Variants in DLGAP2 observed in about 807,000 individuals in gnomAD.
DLGAP2 encodes the protein disks large-associated protein 2.
In DLGAP2, 26 loss-of-function variants were observed where a neutral mutation model predicts 100.3. The ratio of observed to expected loss-of-function variants is 0.26; its 90% CI spans 0.19 to 0.36. The LOEUF is 0.36. Among genes scored for constraint, DLGAP2 ranks in the 10% least tolerant of loss-of-function variants. The pLI is 1.00. For synonymous variants in DLGAP2, 886 were observed against 630.1 expected (o/e 1.41, Z -6.08); for missense variants, 1,858 against 1,453.2 (o/e 1.28, Z -4.53).
intron 2 of DLGAP2, among the ~76,000 whole-genome samples, chr8:1,241,457 C>G (rs373196328): frequency 3.3e-5 from 5 of 152,192 alleles, no homozygotes; most frequent in African/African-American, 1.2e-4. Context: ...CACACCCTGA[C>G]GCGTTATTTA....
chr8:1,095,807 TAAAGC>T (rs902906806), intron 2 of DLGAP2, among the ~76,000 whole-genome samples: 46 of 152,312 alleles, frequency 3.0e-4, no homozygotes, highest in African/African-American at 1.1e-3. Context: ...AAATAGGTAA[TAAAGC>T]AATTGCATGC....
intron 3 of DLGAP2, among the ~76,000 whole-genome samples, chr8:1,419,596 C>T (rs1797035580): frequency 1.3e-5 from 2 of 152,078 alleles, no homozygotes; most frequent in South Asian, 2.1e-4. Flanking sequence ...GGTGTATGAA[C>T]ACATGCTCCA....
intron 1 of DLGAP2, among the ~76,000 whole-genome samples, chr8:877,840 G>T (rs1438894596): frequency 6.6e-6 from 1 of 152,188 alleles, no homozygotes; most frequent in East Asian, 1.9e-4. Context: ...GAATGCTAGC[G>T]ATGGCCCATA....
At chr8:1,601,488 C>A (rs544500844) in intron 6 of DLGAP2, among the ~76,000 whole-genome samples, 1 of 152,308 alleles carries the variant, frequency 6.6e-6, no homozygotes, top group African/African-American at 2.4e-5. Flanking sequence ...CCCCTTCCCC[C>A]GGGTGCTCTG....
chr8:1,285,772 C>T (rs7016848), intron 3 of DLGAP2, among the ~76,000 whole-genome samples: 60,181 of 151,894 alleles, frequency 0.4, 12,094 homozygotes, highest in African/African-American at 0.45. Flanking sequence ...AGTTCAAGAC[C>T]AGGCTGGGCA....
intron 1 of DLGAP2, among the ~76,000 whole-genome samples, chr8:900,702 G>A (rs1205277548): frequency 2.1e-4 from 32 of 152,156 alleles, no homozygotes; most frequent in Non-Finnish European, 1.6e-4. Context: ...GCTGCAGCCC[G>A]AAAGGAGCAT....
chr8:1,110,080 G>A (rs1208101057), intron 2 of DLGAP2, among the ~76,000 whole-genome samples: 5 of 131,970 alleles, frequency 3.8e-5, no homozygotes, highest in Non-Finnish European at 8.0e-5. Context: ...AGGTCTGTGA[G>A]GTGTGCACGG....
intron 2 of DLGAP2, among the ~76,000 whole-genome samples, chr8:910,767 G>C (rs1248222395): frequency 2.0e-5 from 3 of 152,154 alleles, no homozygotes; most frequent in African/African-American, 7.2e-5. Context: ...CCTCTGGCTT[G>C]AATCCAGCAC....
intron 3 of DLGAP2, among the ~76,000 whole-genome samples, chr8:1,370,858 C>T (rs2129704911): frequency 6.6e-6 from 1 of 152,320 alleles, no homozygotes; most frequent in South Asian, 2.1e-4. Flanking sequence ...ACGCACCACA[C>T]AGGACTGTTG....
intron 1 of DLGAP2, among the ~76,000 whole-genome samples, chr8:863,910 C>T (rs1292600599): frequency 6.6e-6 from 1 of 152,152 alleles, no homozygotes; most frequent in Non-Finnish European, 1.5e-5. Context: ...GCCCCCAGGT[C>T]CATTGCGGCA....
At chr8:1,322,982 A>T (rs770430806) in intron 3 of DLGAP2, among the ~76,000 whole-genome samples, 1 of 151,552 alleles carries the variant, frequency 6.6e-6, no homozygotes, top group Non-Finnish European at 1.5e-5. Context: ...TGTCCCCTCC[A>T]TGCCCCATAG....
At chr8:768,140 G>C (rs746317624) in intron 1 of DLGAP2, among the ~76,000 whole-genome samples, 5 of 152,116 alleles carry the variant, frequency 3.3e-5, no homozygotes, top group Admixed American at 1.3e-4. Flanking sequence ...TCATTGTCCA[G>C]TTGGGTTTGA....
intron 2 of DLGAP2, among the ~76,000 whole-genome samples, chr8:1,180,481 A>G (rs982130891): frequency 2.6e-5 from 4 of 152,238 alleles, no homozygotes; most frequent in Non-Finnish European, 5.9e-5. Context: ...GGCAGGAGCC[A>G]CCGTGCCCAG....
chr8:867,077 C>T (rs1020497973), intron 1 of DLGAP2, among the ~76,000 whole-genome samples: 7 of 152,228 alleles, frequency 4.6e-5, no homozygotes, highest in Non-Finnish European at 8.8e-5. Context: ...GCTGTCTAAC[C>T]CGGTACCACT....
intron 3 of DLGAP2, among the ~76,000 whole-genome samples, chr8:1,463,845 T>G (rs1397632379): frequency 1.3e-5 from 2 of 152,196 alleles, no homozygotes; most frequent in Non-Finnish European, 2.9e-5. Context: ...TTTGAGCTGA[T>G]TCACAAGCTC....
chr8:1,236,981 A>C (rs1441315868), intron 2 of DLGAP2, among the ~76,000 whole-genome samples: 2 of 146,178 alleles, frequency 1.4e-5, no homozygotes, highest in Non-Finnish European at 3.0e-5. Flanking sequence ...TGCCGTGTCT[A>C]GTTCTCTCTC....
intron 3 of DLGAP2, among the ~76,000 whole-genome samples, chr8:1,323,307 G>A (rs895642566): frequency 6.6e-6 from 1 of 152,130 alleles, no homozygotes; most frequent in Non-Finnish European, 1.5e-5. Flanking sequence ...TAGGATTACA[G>A]GCATGAGCCA....
chr8:1,211,895 A>C (rs1036120355), intron 2 of DLGAP2, among the ~76,000 whole-genome samples: 2 of 152,210 alleles, frequency 1.3e-5, no homozygotes, highest in Non-Finnish European at 2.9e-5. Flanking sequence ...ATAAAATAAA[A>C]AAATAAAAAT....
intron 3 of DLGAP2, among the ~76,000 whole-genome samples, chr8:1,486,397 C>T (rs1284737153): frequency 6.6e-6 from 1 of 152,114 alleles, no homozygotes; most frequent in African/African-American, 2.4e-5. Context: ...AGGGCTGTGT[C>T]CTCTCTGGAT....
Sources: allele counts gnomAD v4.1 joint callset (sites outside exome capture counted in the v4.1 genomes callset), GRCh38; gene constraint gnomAD v4.1.1; transcripts MANE v1.5; gene names NCBI Gene and HGNC (gene_info 2026-07-23, HGNC 2026-07-21).